Variants in DACH2 observed in about 807,000 individuals in gnomAD.
The protein encoded by DACH2 is dachshund homolog 2.
A neutral mutation model predicts 35.8 loss-of-function variants in DACH2; 17 were observed. The ratio of observed to expected loss-of-function variants is 0.48; its 90% CI spans 0.33 to 0.71. The LOEUF is 0.71. Among genes scored for constraint, DACH2 ranks in the 30% least tolerant of loss-of-function variants. The probability of loss-of-function intolerance (pLI) is 0.02; values close to 1 mark genes in which losing one functional copy is unlikely to be tolerated. For missense variants in DACH2, 469 were observed against 472.7 expected, an observed-to-expected ratio of 0.99 and a Z score of 0.07; for synonymous variants, 195 against 177.3, an observed-to-expected ratio of 1.10 and a Z score of -0.79.
intron 2 of DACH2, among the ~76,000 whole-genome samples, chrX:86,469,991 C>T (rs759792784): frequency 3.7e-4 from 40 of 109,335 alleles, no homozygotes; most frequent in Non-Finnish European, 5.3e-4. Flanking sequence ...TGTTTCTTAC[C>T]TAAACTCTGT....
At chrX:86,421,789 G>C (rs1454470804) in intron 2 of DACH2, among the ~76,000 whole-genome samples, 1 of 110,955 alleles carries the variant, frequency 9.0e-6, no homozygotes, top group Non-Finnish European at 1.9e-5. Context: ...TTAGCTGGAG[G>C]GAGAAACTTC....
At chrX:86,461,198 A>T (rs994720769) in intron 2 of DACH2, among the ~76,000 whole-genome samples, 1 of 111,689 alleles carries the variant, frequency 9.0e-6, no homozygotes, top group African/African-American at 3.2e-5. Flanking sequence ...TAATTTGTGC[A>T]TGTTCATCAT....
intron 1 of DACH2, among the ~76,000 whole-genome samples, chrX:86,370,481 G>T: frequency 9.0e-6 from 1 of 111,628 alleles, no homozygotes; most frequent in Non-Finnish European, 1.9e-5. Flanking sequence ...TCGACTGGAA[G>T]ACATGAAATA....
chrX:86,422,983 G>A (rs1373392784), intron 2 of DACH2, among the ~76,000 whole-genome samples: 2 of 111,437 alleles, frequency 1.8e-5, no homozygotes, highest in Admixed American at 9.6e-5. Context: ...CATCCATGTT[G>A]TTGCAAATGA....
At chrX:86,330,670 A>G (rs947756593) in intron 1 of DACH2, among the ~76,000 whole-genome samples, 3 of 111,933 alleles carry the variant, frequency 2.7e-5, no homozygotes, top group African/African-American at 6.5e-5. Context: ...GTGTTAATTG[A>G]CTGCATTATA....
At chrX:86,157,994 G>T (rs941139617) in intron 1 of DACH2, among the ~76,000 whole-genome samples, 1 of 110,624 alleles carries the variant, frequency 9.0e-6, no homozygotes, top group Admixed American at 9.7e-5. Flanking sequence ...CCTATTTTAA[G>T]AATCTTGAGT....
intron 1 of DACH2, among the ~76,000 whole-genome samples, chrX:86,365,478 A>G (rs938726882): frequency 2.7e-5 from 3 of 111,775 alleles, no homozygotes; most frequent in African/African-American, 9.7e-5. Context: ...TGGAATTGCA[A>G]CAAGATAAAA....
At chrX:86,802,717 C>A (rs57742883) in intron 7 of DACH2, among the ~76,000 whole-genome samples, 102 of 110,389 alleles carry the variant, frequency 9.2e-4, no homozygotes, top group African/African-American at 3.2e-3. Flanking sequence ...TTGAAAGCTG[C>A]CACTGAGGGA....
chrX:86,300,013 A>C (rs1224772325), intron 1 of DACH2, among the ~76,000 whole-genome samples: 3 of 111,494 alleles, frequency 2.7e-5, no homozygotes, highest in African/African-American at 9.8e-5. Context: ...CAACATGTTG[A>C]GTGTTTAGCA....
At chrX:86,479,213 G>A (rs1328245051) in intron 2 of DACH2, among the ~76,000 whole-genome samples, 1 of 111,248 alleles carries the variant, frequency 9.0e-6, no homozygotes, top group East Asian at 2.8e-4. Flanking sequence ...CCAGCCATTT[G>A]TGTGTGTGTG....
chrX:86,546,407 T>TCTTCTTC (rs2038967891), intron 3 of DACH2, among the ~76,000 whole-genome samples: 12 of 87,353 alleles, frequency 1.4e-4, no homozygotes, highest in Admixed American at 3.8e-4. Context: ...TCTTCTTCCT[T>TCTTCTTC]CTTCTTCTTC....
Position 86,707,286 on chromosome X carries a change from G to A in DACH2, c.932-7262G>A, listed in dbSNP as rs566826090. On this transcript the variant is annotated intron_variant, in intron 5 of 11. Coordinates refer to ENST00000373125, the MANE Select transcript of DACH2 (RefSeq NM_053281.3). ...CAATCTACCAATACTCACACAAGAA[G>A]AAACAGATAATCTGAAAAGGCCTAT... Among the ~76,000 whole-genome samples the A allele has an allele frequency of 3.6e-5, 4 of 111,454 alleles. No individual in the cohort carries two copies. The South Asian group carries it at 1.5e-3, about 41-fold the overall frequency.
At chrX:86,499,009 A>T (rs904549892) in intron 2 of DACH2, among the ~76,000 whole-genome samples, 2 of 112,209 alleles carry the variant, frequency 1.8e-5, no homozygotes, top group Admixed American at 1.9e-4. Context: ...GACCTTTAAA[A>T]ATAATCAGCA....
chrX:86,280,019 A>G (rs1373591394), intron 1 of DACH2, among the ~76,000 whole-genome samples: 1 of 111,067 alleles, frequency 9.0e-6, no homozygotes. Flanking sequence ...AACAAGCTGG[A>G]AAACACTCTT....
chrX:86,388,599 A>G (rs1334856655), intron 2 of DACH2, among the ~76,000 whole-genome samples: 1 of 111,909 alleles, frequency 8.9e-6, no homozygotes, highest in African/African-American at 3.2e-5. Flanking sequence ...TAATATTTGA[A>G]GTCCAGGAAG....
chrX:86,493,744 T>A, intron 2 of DACH2, among the ~76,000 whole-genome samples: 1 of 111,958 alleles, frequency 8.9e-6, no homozygotes, highest in Middle Eastern at 4.6e-3. Flanking sequence ...GATAATAGGT[T>A]CAGAACATGG....
intron 2 of DACH2, among the ~76,000 whole-genome samples, chrX:86,488,016 GGTAT>G (rs1334954932): frequency 9.0e-6 from 1 of 110,604 alleles, no homozygotes; most frequent in African/African-American, 3.3e-5. Flanking sequence ...AGTTTTGGTA[GGTAT>G]TATACTTATT....
At chrX:86,534,998 C>G (rs776364667) in intron 3 of DACH2, among the ~76,000 whole-genome samples, 2 of 111,906 alleles carry the variant, frequency 1.8e-5, no homozygotes, top group African/African-American at 6.5e-5. Flanking sequence ...TCACAATGAA[C>G]AAATTTATAA....
chrX:86,171,986 T>G (rs921410834), intron 1 of DACH2, among the ~76,000 whole-genome samples: 1 of 112,075 alleles, frequency 8.9e-6, no homozygotes, highest in Non-Finnish European at 1.9e-5. Flanking sequence ...TATTCAGTAC[T>G]AACTAAGTTC....
Sources: gnomAD v4.1 joint callset for allele counts (sites outside exome capture counted in the v4.1 genomes callset) on GRCh38, gnomAD v4.1.1 for gene constraint, MANE v1.5 for transcripts, NCBI Gene and HGNC (gene_info 2026-07-23, HGNC 2026-07-21) for gene names.